ARAP2: variants seen among roughly 807,000 people sequenced by gnomAD.
ARAP2 encodes the protein ArfGAP with RhoGAP domain, ankyrin repeat and PH domain 2, also known as arf-GAP with Rho-GAP domain, ANK repeat and PH domain-containing protein 2.
A neutral mutation model predicts 194.5 loss-of-function variants in ARAP2; 148 were observed. The observed-to-expected ratio is 0.76, with a 90% confidence interval of 0.67 to 0.87. ARAP2 has a LOEUF of 0.87. ARAP2 is among the 40% of genes least tolerant of loss of function. The probability of loss-of-function intolerance (pLI) is 0.00; values close to 1 mark genes in which losing one functional copy is unlikely to be tolerated. For missense variants in ARAP2, 2,128 were observed against 1,989.7 expected (o/e 1.07, Z -1.32); for synonymous variants, 695 against 683.5 (o/e 1.02, Z -0.26).
chr4:36,132,175 A>AG (rs1376249324), intron 20 of ARAP2, among the ~76,000 whole-genome samples: 1 of 151,730 alleles, frequency 6.6e-6, no homozygotes, highest in African/African-American at 2.4e-5. Flanking sequence ...TTCCCATACT[A>AG]GAAGATATGA....
At chr4:36,128,416 C>A in intron 21 of ARAP2, 117 bp downstream of exon 21, 1 of 723,084 alleles carries the variant, frequency 1.4e-6, no homozygotes, top group Non-Finnish European at 2.2e-6. Context: ...AAAATTTCAG[C>A]TTATCAAAGA....
chr4:36,083,678 C>T (rs939776530), intron 28 of ARAP2, among the ~76,000 whole-genome samples: 26 of 152,136 alleles, frequency 1.7e-4, no homozygotes, highest in Non-Finnish European at 8.8e-5. Context: ...ATGTTATATA[C>T]TTGTACACAT....
At chr4:36,083,116 A>C (rs1729972009) in intron 29 of ARAP2, among the ~76,000 whole-genome samples, 1 of 152,026 alleles carries the variant, frequency 6.6e-6, no homozygotes, top group Non-Finnish European at 1.5e-5. Flanking sequence ...GGGATTTCTT[A>C]CTTTACACAG....
intron 19 of ARAP2, among the ~76,000 whole-genome samples, chr4:36,144,734 C>G (rs1729210995): frequency 6.6e-6 from 1 of 151,768 alleles, no homozygotes; most frequent in South Asian, 2.1e-4. Flanking sequence ...GCTTATTTAG[C>G]TATATTTTTA....
intron 1 of ARAP2, among the ~76,000 whole-genome samples, chr4:36,060,914 T>C (rs991838084): frequency 2.6e-5 from 4 of 152,142 alleles, no homozygotes; most frequent in Non-Finnish European, 5.9e-5. Flanking sequence ...CCTCCAAATA[T>C]AGTCACATTC....
chr4:36,231,039 A>G (rs1751345525), intron 1 of ARAP2, among the ~76,000 whole-genome samples: 1 of 152,232 alleles, frequency 6.6e-6, no homozygotes, highest in Admixed American at 6.5e-5. Flanking sequence ...TGTCACACAC[A>G]AAGAAGTTAC....
At chr4:36,170,043 C>T (rs1236005379) in intron 9 of ARAP2, among the ~76,000 whole-genome samples, 1 of 152,124 alleles carries the variant, frequency 6.6e-6, no homozygotes, top group African/African-American at 2.4e-5. Flanking sequence ...GTATTTAGAA[C>T]ATGTTTAGAA....
intron 22 of ARAP2, among the ~76,000 whole-genome samples, chr4:36,121,710 T>C (rs1439661042): frequency 6.6e-6 from 1 of 151,626 alleles, no homozygotes; most frequent in Admixed American, 6.6e-5. Flanking sequence ...AGGAGGTATG[T>C]AGAAAACAGG....
In ARAP2 at chr4:36,213,320, CT is replaced by C; in HGVS notation, c.965-2del. 1 of 1,592,944 alleles carries C rather than the reference CT, an allele frequency of 6.3e-7. No homozygotes were observed. Among genetic ancestry groups the C allele is most frequent in the Non-Finnish European group, 8.6e-7 (1 of 1,161,922 alleles). ...GAAGATGAATTCTCCTCATTTGAAT[CT>C]TTTAGGGGAATTACAGGATGAGAAC... is the stretch of plus-strand genomic sequence containing the variant. On this transcript the variant is annotated splice_acceptor_variant, in intron 3 of 32. Transcript: ENST00000303965. LOFTEE classifies it high-confidence loss of function.
intron 7 of ARAP2, among the ~76,000 whole-genome samples, chr4:36,188,441 T>C (rs1358682086): frequency 6.6e-6 from 1 of 152,188 alleles, no homozygotes; most frequent in East Asian, 1.9e-4. Context: ...TTAAAGGCTG[T>C]GAGGTATACC....
Position 36,031,508 on chromosome 4 carries a change from T to C in ARAP2, n.608-12222A>G, listed in dbSNP as rs117128051. 4.6e-5 allele frequency among the ~76,000 whole-genome samples: 7 copies of C among 152,296 alleles called. No individual in the cohort carries two copies. The East Asian group carries it at 9.6e-4, about 21-fold the overall frequency. ...AAATAAGTATTTATATTTCAAAATA[T>C]TGGCAACATTACAAAGTTAGTTAAC... On this transcript the variant is annotated intron_variant and non_coding_transcript_variant, in intron 5 of 12. Coordinates refer to the ARAP2 transcript ENST00000503225.
At position 36,177,771 on chromosome 4, in the gene ARAP2, A is replaced by G; in HGVS notation, c.1857+56T>C. 6 of 1,468,596 alleles carry G rather than the reference A, an allele frequency of 4.1e-6. No homozygotes were observed. In the South Asian group the frequency reaches 8.8e-5, roughly 21 times the overall value. 91.0% of individuals were successfully genotyped at this position (1,468,596 alleles called of 1,614,324 possible). A position where few individuals can be genotyped will look rare whatever the true frequency, so the allele number is the denominator to read the frequency against. On this transcript the variant is annotated intron_variant, in intron 9 of 32. Coordinates refer to ENST00000303965, the MANE Select transcript of ARAP2 (RefSeq NM_015230.4). ...CACTAATAATCCTTCCAAACAAAACATAGTTGTTACTATAATAAAATAGCA... is the reference window on the plus strand; with the variant it reads ...CACTAATAATCCTTCCAAACAAAACGTAGTTGTTACTATAATAAAATAGCA...
intron 9 of ARAP2, among the ~76,000 whole-genome samples, chr4:36,173,072 G>A (rs1737018875): frequency 6.6e-6 from 1 of 152,072 alleles, no homozygotes; most frequent in African/African-American, 2.4e-5. Flanking sequence ...AGTTTATGTA[G>A]TTTAAACCTC....
At chr4:36,050,866 T>G (rs1722548960) in intron 3 of ARAP2, among the ~76,000 whole-genome samples, 1 of 152,214 alleles carries the variant, frequency 6.6e-6, no homozygotes, top group Admixed American at 6.5e-5. Flanking sequence ...GACAAGTATT[T>G]GCCTAAGTCT....
At chr4:36,032,439 G>T (rs1401119864) in intron 5 of ARAP2, among the ~76,000 whole-genome samples, 2 of 152,144 alleles carry the variant, frequency 1.3e-5, no homozygotes, top group Non-Finnish European at 2.9e-5. Flanking sequence ...ATTCACAGTA[G>T]GTGATCATAC....
intron 10 of ARAP2, among the ~76,000 whole-genome samples, chr4:36,166,665 A>G (rs966498823): frequency 2.0e-5 from 3 of 151,980 alleles, no homozygotes; most frequent in African/African-American, 7.2e-5. Flanking sequence ...TTTTCAAAAA[A>G]AAAACATACA....
intron 27 of ARAP2, among the ~76,000 whole-genome samples, chr4:36,104,240 G>C (rs1344336594): frequency 6.6e-6 from 1 of 151,772 alleles, no homozygotes; most frequent in African/African-American, 2.4e-5. Context: ...TTGGCCCCAG[G>C]TTAGAATAAG....
intron 19 of ARAP2, among the ~76,000 whole-genome samples, chr4:36,140,710 G>C (rs1728113269): frequency 6.6e-6 from 1 of 151,794 alleles, no homozygotes; most frequent in South Asian, 2.1e-4. Flanking sequence ...AACTTAGGGT[G>C]CTAATCTCCC....
chr4:36,136,816 T>TGTGTGTGCGC (rs796925392), intron 19 of ARAP2, among the ~76,000 whole-genome samples: 1 of 145,170 alleles, frequency 6.9e-6, no homozygotes, highest in African/African-American at 2.6e-5. Context: ...TGTGTGTGTG[T>TGTGTGTGCGC]GTGCGTGTCT....
Sources: gnomAD v4.1 joint callset for allele counts (sites outside exome capture counted in the v4.1 genomes callset) on GRCh38, gnomAD v4.1.1 for gene constraint, MANE v1.5 for transcripts, NCBI Gene and HGNC (gene_info 2026-07-23, HGNC 2026-07-21) for gene names.